Variants in FMN1 observed in about 807,000 individuals in gnomAD.
FMN1 encodes the protein formin 1.
A neutral mutation model predicts 132.4 loss-of-function variants in FMN1; 110 were observed. The observed-to-expected ratio is 0.83, with a 90% confidence interval of 0.71 to 0.97. The LOEUF (loss-of-function observed/expected upper bound fraction) is 0.97. FMN1 is among the 50% of genes least tolerant of loss of function. The pLI, the probability that FMN1 is intolerant of heterozygous loss-of-function variation, is 0.00. For missense variants in FMN1, 1,792 were observed against 1,705.3 expected (o/e 1.05, Z -0.90); for synonymous variants, 722 against 651.7 (o/e 1.11, Z -1.64).
chr15:33,018,130 A>G (rs1022478613), intron 6 of FMN1, among the ~76,000 whole-genome samples: 3 of 151,902 alleles, frequency 2.0e-5, no homozygotes, highest in African/African-American at 7.3e-5. Flanking sequence ...GTACTAGGAG[A>G]TGGAGCCTTT....
At chr15:33,012,804 C>A (rs944742853) in intron 6 of FMN1, 3 of 674,246 alleles carry the variant, frequency 4.4e-6, no homozygotes, top group Non-Finnish European at 5.5e-6. Context: ...GCTTTAGTGG[C>A]AGCTGTGGTG....
chr15:33,047,482 A>G (rs2141153656), intron 6 of FMN1, among the ~76,000 whole-genome samples: 1 of 152,322 alleles, frequency 6.6e-6, no homozygotes. Context: ...TAAAGCAAAT[A>G]CTCAAGTTCT....
chr15:33,161,399 G>A (rs1042643964), intron 3 of FMN1, among the ~76,000 whole-genome samples: 23 of 152,132 alleles, frequency 1.5e-4, no homozygotes, highest in African/African-American at 5.1e-4. Context: ...GCTATAGTTT[G>A]GTAGTAGGCG....
chr15:32,844,563 T>C (rs745715681), intron 17 of FMN1, among the ~76,000 whole-genome samples: 4 of 152,240 alleles, frequency 2.6e-5, no homozygotes, highest in Non-Finnish European at 5.9e-5. Flanking sequence ...ATTCTAATTA[T>C]ACACATGACT....
chr15:32,818,789 T>A (rs1358558076), intron 17 of FMN1, among the ~76,000 whole-genome samples: 1 of 152,096 alleles, frequency 6.6e-6, no homozygotes, highest in Non-Finnish European at 1.5e-5. Context: ...AAGCACGCAT[T>A]CAGTAGGAAA....
intron 7 of FMN1, among the ~76,000 whole-genome samples, chr15:32,980,328 C>T (rs1049327423): frequency 6.6e-6 from 1 of 151,490 alleles, no homozygotes; most frequent in African/African-American, 2.4e-5. Flanking sequence ...AAACAAAAAC[C>T]TAAAATAGGG....
intron 17 of FMN1, among the ~76,000 whole-genome samples, chr15:32,804,857 T>C (rs1483222351): frequency 6.6e-6 from 1 of 152,236 alleles, no homozygotes; most frequent in African/African-American, 2.4e-5. Context: ...TTTTTATGAC[T>C]GCATAGTATT....
intron 19 of FMN1, among the ~76,000 whole-genome samples, chr15:32,782,183 A>G (rs1452619303): frequency 6.6e-6 from 1 of 152,202 alleles, no homozygotes; most frequent in Admixed American, 6.5e-5. Context: ...AACCATTGGA[A>G]TGACTTAGGG....
chr15:33,117,939 G>A (rs1046585053), intron 4 of FMN1, among the ~76,000 whole-genome samples: 3 of 152,238 alleles, frequency 2.0e-5, no homozygotes, highest in African/African-American at 4.8e-5. Context: ...CAGTACGGAA[G>A]AGAAATAATA....
intron 4 of FMN1, among the ~76,000 whole-genome samples, chr15:33,109,358 C>G (rs1205165838): frequency 6.6e-6 from 1 of 151,932 alleles, no homozygotes; most frequent in Non-Finnish European, 1.5e-5. Context: ...AAATTTTAAA[C>G]ACCATTAGTA....
chr15:33,086,202 G>T (rs1041170405), intron 5 of FMN1, among the ~76,000 whole-genome samples: 2 of 148,572 alleles, frequency 1.3e-5, no homozygotes, highest in African/African-American at 5.0e-5. Flanking sequence ...AGTGAGCCAA[G>T]ATTATGCCAC....
chr15:32,885,796 G>A (rs1444204485), intron 16 of FMN1, among the ~76,000 whole-genome samples: 1 of 149,460 alleles, frequency 6.7e-6, no homozygotes, highest in Non-Finnish European at 1.5e-5. Context: ...GTTAAGGTGT[G>A]TTAATACTAT....
chr15:33,126,044 T>G (rs1318986829), intron 4 of FMN1, among the ~76,000 whole-genome samples: 1 of 152,100 alleles, frequency 6.6e-6, no homozygotes, highest in East Asian at 1.9e-4. Context: ...AGTGCAGTTG[T>G]GAAAAACAGA....
intron 3 of FMN1, among the ~76,000 whole-genome samples, chr15:33,169,058 C>T (rs1352417872): frequency 3.9e-5 from 6 of 152,274 alleles, no homozygotes; most frequent in East Asian, 1.9e-4. Context: ...GGAGATGTCA[C>T]GATAGTTCTT....
intron 4 of FMN1, among the ~76,000 whole-genome samples, chr15:33,122,054 CAAAG>C (rs149082309): frequency 0.036 from 5,435 of 152,172 alleles, 145 homozygotes; most frequent in Middle Eastern, 0.054. Flanking sequence ...GGCCAATAGA[CAAAG>C]AACAGACAAA....
At position 32,938,096 on chromosome 15, in the gene FMN1, C is replaced by CT. The variant is rs751245089; in HGVS notation, c.3139-11836dup. On this transcript the variant is annotated intron_variant, in intron 9 of 20. Coordinates refer to ENST00000616417, the MANE Select transcript of FMN1 (RefSeq NM_001277313.2). ...GAGAAAAAGTATACATTTTGTTGCACTTTTTTTTTTCACTGTGTAGCGTGT... is the reference window on the plus strand; with the variant it reads ...GAGAAAAAGTATACATTTTGTTGCACTTTTTTTTTTTCACTGTGTAGCGTGT... Among the ~76,000 whole-genome samples, 801 of 149,098 alleles carry CT rather than the reference C, an allele frequency of 5.4e-3. 7 individuals carry two copies. The highest frequency in any genetic ancestry group is 8.5e-3 in the Non-Finnish European group (569 of 67,064).
chr15:32,802,827 T>C (rs549190389), intron 18 of FMN1, among the ~76,000 whole-genome samples: 2 of 152,322 alleles, frequency 1.3e-5, no homozygotes, highest in South Asian at 2.1e-4. Flanking sequence ...GTTTTATGCA[T>C]TGTGAAGGGA....
chr15:33,121,727 C>T (rs942952709), intron 4 of FMN1, among the ~76,000 whole-genome samples: 3 of 152,120 alleles, frequency 2.0e-5, no homozygotes, highest in African/African-American at 7.2e-5. Context: ...CAAGATTTCA[C>T]CATGTTGGCC....
At chr15:33,192,134 A>T (rs1966100971) in intron 2 of FMN1, among the ~76,000 whole-genome samples, 1 of 152,250 alleles carries the variant, frequency 6.6e-6, no homozygotes, top group African/African-American at 2.4e-5. Context: ...TAAAGGCAAG[A>T]TCATCTAAAG....
Sources: allele counts gnomAD v4.1 joint callset (sites outside exome capture counted in the v4.1 genomes callset), GRCh38; gene constraint gnomAD v4.1.1; transcripts MANE v1.5; gene names NCBI Gene and HGNC (gene_info 2026-07-23, HGNC 2026-07-21).